OPRM1: variants seen among roughly 807,000 people sequenced by gnomAD.
OPRM1 encodes the protein opioid receptor mu 1.
In OPRM1, 27 loss-of-function variants were observed where a neutral mutation model predicts 31.8. The observed-to-expected ratio is 0.85, with a 90% CI of 0.63 to 1.17. The LOEUF (loss-of-function observed/expected upper bound fraction) is 1.17. Among genes scored for constraint, OPRM1 ranks in the 50% most tolerant of loss-of-function variants. The pLI, the probability that OPRM1 is intolerant of heterozygous loss-of-function variation, is 0.00. For missense variants in OPRM1, 536 were observed against 511.1 expected, an observed-to-expected ratio of 1.05 and a Z score of -0.47; for synonymous variants, 196 against 189.9, an observed-to-expected ratio of 1.03 and a Z score of -0.26.
chr6:154,241,412 G>A (rs1780582594), intron 3 of OPRM1, among the ~76,000 whole-genome samples: 1 of 151,022 alleles, frequency 6.6e-6, no homozygotes, highest in Non-Finnish European at 1.5e-5. Context: ...AAGAAACAAT[G>A]TACAAAACTA....
chr6:154,064,795 G>T (rs1325062567), intron 1 of OPRM1, among the ~76,000 whole-genome samples: 1 of 152,072 alleles, frequency 6.6e-6, no homozygotes, highest in African/African-American at 2.4e-5. Context: ...AATCATTTGG[G>T]CATGTAGGCA....
chr6:154,079,059 A>C (rs995406528), intron 1 of OPRM1, among the ~76,000 whole-genome samples: 2 of 152,186 alleles, frequency 1.3e-5, no homozygotes, highest in African/African-American at 2.4e-5. Context: ...GAAAGAGAGC[A>C]AGAGAAATCA....
At chr6:154,147,449 G>A (rs1358212504) in intron 3 of OPRM1, among the ~76,000 whole-genome samples, 3 of 152,014 alleles carry the variant, frequency 2.0e-5, no homozygotes, top group South Asian at 2.1e-4. Context: ...CTTCACTTGC[G>A]TTTCTGCTGT....
intron 1 of OPRM1, among the ~76,000 whole-genome samples, chr6:154,078,368 C>A (rs961296643): frequency 2.6e-5 from 4 of 152,006 alleles, no homozygotes; most frequent in Admixed American, 1.3e-4. Context: ...TCAGTAATTC[C>A]TTTTTATACT....
intron 3 of OPRM1, among the ~76,000 whole-genome samples, chr6:154,201,187 A>G (rs1777041308): frequency 6.6e-6 from 1 of 152,186 alleles, no homozygotes. Flanking sequence ...TCTTTTCTTT[A>G]TAAATTACCC....
At chr6:154,212,280 G>C (rs539945962) in intron 3 of OPRM1, among the ~76,000 whole-genome samples, 9 of 152,102 alleles carry the variant, frequency 5.9e-5, no homozygotes, top group African/African-American at 2.2e-4. Flanking sequence ...TTCCTCTCTA[G>C]TGAATACACA....
chr6:154,022,033 G>A (rs562352005), intron 1 of OPRM1, among the ~76,000 whole-genome samples: 1 of 152,298 alleles, frequency 6.6e-6, no homozygotes, highest in Non-Finnish European at 1.5e-5. Context: ...GTTGGTGAAA[G>A]GAGACGTCCT....
At chr6:154,153,849 C>T (rs1012690210) in intron 3 of OPRM1, among the ~76,000 whole-genome samples, 1 of 152,214 alleles carries the variant, frequency 6.6e-6, no homozygotes, top group Non-Finnish European at 1.5e-5. Context: ...AGAGCCTCCA[C>T]AAGGAGTGCA....
At chr6:154,186,336 TTC>T (rs1801340819) in intron 3 of OPRM1, among the ~76,000 whole-genome samples, 1 of 152,220 alleles carries the variant, frequency 6.6e-6, no homozygotes, top group Non-Finnish European at 1.5e-5. Context: ...CATCTTTGAC[TTC>T]TGTCTTTCTC....
intron 3 of OPRM1, among the ~76,000 whole-genome samples, chr6:154,109,792 C>CTGTGTGTGTGTG (rs377400514): frequency 1.1e-3 from 113 of 101,280 alleles, no homozygotes; most frequent in African/African-American, 4.2e-3. Flanking sequence ...CTCTCTCTCT[C>CTGTGTGTGTGTG]TGTGTGTGTG....
chr6:154,060,993 T>C (rs1327127446), intron 1 of OPRM1, among the ~76,000 whole-genome samples: 1 of 152,176 alleles, frequency 6.6e-6, no homozygotes, highest in Non-Finnish European at 1.5e-5. Context: ...TTGGCAAATA[T>C]CTCACTCTCA....
intron 3 of OPRM1, among the ~76,000 whole-genome samples, chr6:154,242,582 A>G (rs9479797): frequency 0.41 from 61,867 of 152,078 alleles, 12,915 homozygotes; most frequent in Middle Eastern, 0.49. Flanking sequence ...AAAGAGGACA[A>G]GCATGATAGT....
intron 3 of OPRM1, among the ~76,000 whole-genome samples, chr6:154,148,794 G>A (rs1421765167): frequency 6.6e-6 from 1 of 152,174 alleles, no homozygotes; most frequent in East Asian, 1.9e-4. Flanking sequence ...AGCTTTCAGA[G>A]TCACCCATAA....
intron 3 of OPRM1, among the ~76,000 whole-genome samples, chr6:154,204,275 A>G (rs900859069): frequency 9.2e-5 from 14 of 152,178 alleles, no homozygotes; most frequent in African/African-American, 3.1e-4. Flanking sequence ...TGGTGAAAAA[A>G]TAGTTTAAAA....
intron 3 of OPRM1, among the ~76,000 whole-genome samples, chr6:154,185,073 G>A (rs1027401135): frequency 6.6e-6 from 1 of 152,136 alleles, no homozygotes; most frequent in Non-Finnish European, 1.5e-5. Flanking sequence ...GGCATGACTA[G>A]CTAGTCCTTC....
intron 3 of OPRM1, chr6:154,108,131 G>T (rs1795883311): frequency 3.5e-6 from 2 of 576,084 alleles, no homozygotes; most frequent in South Asian, 2.6e-5. Flanking sequence ...CGGCACCATC[G>T]CCTACGGGCC....
At chr6:154,215,357 A>T (rs1778306256) in intron 3 of OPRM1, among the ~76,000 whole-genome samples, 1 of 152,170 alleles carries the variant, frequency 6.6e-6, no homozygotes, top group Non-Finnish European at 1.5e-5. Context: ...GCCTCCCAGC[A>T]CTTCAGGAGG....
Position 154,086,833 on chromosome 6 carries a change from G to A in OPRM1, c.291-2993G>A, listed in dbSNP as rs573267895. 12 of 985,200 alleles carry A rather than the reference G, an allele frequency of 1.2e-5. No homozygotes were observed. The African/African-American group carries it at 1.7e-4, about 14-fold the overall frequency. 61.0% of individuals were successfully genotyped at this position (985,200 alleles called of 1,614,324 possible). On this transcript the variant is annotated intron_variant, in intron 1 of 3. Transcript: ENST00000330432. The stretch of plus-strand genomic sequence containing the variant: ...TAGATCATGCAGGTCTATAACCAAC[G>A]GTGAATCTAGCAAAAGTTATTTTCT...
intron 3 of OPRM1, among the ~76,000 whole-genome samples, chr6:154,219,547 C>A (rs1037981825): frequency 1.3e-5 from 2 of 152,124 alleles, no homozygotes; most frequent in Non-Finnish European, 2.9e-5. Context: ...CACAGGGCTC[C>A]AAGTGCTAGC....
Sources: allele counts gnomAD v4.1 joint callset (sites outside exome capture counted in the v4.1 genomes callset), GRCh38; gene constraint gnomAD v4.1.1; transcripts MANE v1.5; gene names NCBI Gene and HGNC (gene_info 2026-07-23, HGNC 2026-07-21).